NELL1: variants seen among roughly 807,000 people sequenced by gnomAD.
NELL1 encodes protein kinase C-binding protein NELL1.
Under a neutral mutation model 107.4 loss-of-function variants are expected in NELL1, and 76 were observed. The observed-to-expected ratio is 0.71, with a 90% confidence interval of 0.59 to 0.86. The LOEUF (loss-of-function observed/expected upper bound fraction) is 0.86. Among genes scored for constraint, NELL1 ranks in the 40% least tolerant of loss-of-function variants. The pLI is 0.00. For missense variants in NELL1, 1,024 were observed against 1,005.5 expected (o/e 1.02, Z -0.25); for synonymous variants, 353 against 341.2 (o/e 1.03, Z -0.38).
chr11:20,975,925 A>T (rs1434347132), intron 12 of NELL1, among the ~76,000 whole-genome samples: 1 of 139,848 alleles, frequency 7.2e-6, no homozygotes. Context: ...AAACACACAT[A>T]TATGTACATA....
chr11:21,069,068 C>G (rs1466348971), intron 12 of NELL1, among the ~76,000 whole-genome samples: 1 of 152,122 alleles, frequency 6.6e-6, no homozygotes, highest in East Asian at 1.9e-4. Flanking sequence ...GGAAACACTC[C>G]ATTTGGCTCT....
chr11:20,798,905 T>C (rs79905253), intron 3 of NELL1, among the ~76,000 whole-genome samples: 5,158 of 152,320 alleles, frequency 0.034, 291 homozygotes, highest in African/African-American at 0.12. Flanking sequence ...GTGGATTCTT[T>C]AGCAGCGAAG....
chr11:21,271,022 G>A (rs1848728545), intron 14 of NELL1, among the ~76,000 whole-genome samples: 1 of 152,008 alleles, frequency 6.6e-6, no homozygotes, highest in Non-Finnish European at 1.5e-5. Flanking sequence ...GCTGTGCTTA[G>A]CATTGAATGC....
chr11:21,262,837 C>T (rs1848560209), intron 14 of NELL1, among the ~76,000 whole-genome samples: 1 of 151,804 alleles, frequency 6.6e-6, no homozygotes, highest in South Asian at 2.1e-4. Context: ...GTGACTTCTC[C>T]TGTACTCTTA....
intron 12 of NELL1, among the ~76,000 whole-genome samples, chr11:20,975,857 T>TGTGTATTATATATACACATAC (rs1851607833): frequency 2.4e-5 from 3 of 126,092 alleles, no homozygotes; most frequent in South Asian, 2.5e-4. Context: ...TATATACATA[T>TGTGTATTATATATACACATAC]ATGTGTATTA....
chr11:21,405,403 C>A (rs1210583955), intron 15 of NELL1, among the ~76,000 whole-genome samples: 1 of 133,638 alleles, frequency 7.5e-6, no homozygotes, highest in Non-Finnish European at 1.6e-5. Flanking sequence ...CCAATTTTTT[C>A]TGTTGTGTTT....
intron 15 of NELL1, among the ~76,000 whole-genome samples, chr11:21,473,233 C>T (rs1854227585): frequency 6.6e-6 from 1 of 152,108 alleles, no homozygotes; most frequent in Non-Finnish European, 1.5e-5. Flanking sequence ...AATGCAGAGG[C>T]AAATAAAGAT....
intron 12 of NELL1, among the ~76,000 whole-genome samples, chr11:21,051,059 A>C (rs10833445): frequency 0.4 from 61,089 of 152,002 alleles, 14,940 homozygotes; most frequent in African/African-American, 0.68. Flanking sequence ...GAAAGAAAGT[A>C]CTTATACAAA....
chr11:20,823,921 A>G (rs1857816079), intron 3 of NELL1, among the ~76,000 whole-genome samples: 2 of 151,306 alleles, frequency 1.3e-5, no homozygotes, highest in Non-Finnish European at 3.0e-5. Context: ...TCAAACAACA[A>G]TGATTTAAAC....
rs1486107082 is a variant in NELL1, at chr11:21,573,334, C to T, written c.2307C>T (p.Asp769=). Residue 769 remains aspartate (D), a synonymous_variant, in exon 19 of 20, where the codon GAC becomes GAT. Transcript: ENST00000357134. ...ATGACATCAGAAAAACTTGCCTGGA[C>T]AGCTATGGTGTTTCACGGCTTAGTG... is the stretch of plus-strand genomic sequence containing the variant. ...ITYDIRKTCL[D]SYGVSRLSGS... is the part of the protein sequence containing the mutation. 2 of 1,612,490 alleles carry T rather than the reference C, an allele frequency of 1.2e-6. 1 individual carries two copies. Among genetic ancestry groups the T allele is most frequent in the Middle Eastern group, 3.3e-4 (2 of 6,040 alleles).
chr11:21,354,146 A>G lies in NELL1; in HGVS notation c.1550-16707A>G, dbSNP rs552051140. On this transcript the variant is annotated intron_variant, in intron 14 of 19. Transcript: ENST00000357134. ...TGAGCCCAATGTCACATAGCTAGAA[A>G]ATGGCATATGTGAGATTTGTGCGAG... 1.4e-3 allele frequency among the ~76,000 whole-genome samples: 206 copies of G among 152,282 alleles called. 2 individuals carry two copies. The highest frequency in any genetic ancestry group is 4.5e-3 in the African/African-American group (185 of 41,550).
chr11:20,871,110 G>T lies in NELL1; in HGVS notation c.507-14334G>T, dbSNP rs146208940. 4.3e-3 allele frequency among the ~76,000 whole-genome samples: 660 copies of T among 152,324 alleles called. 1 individual carries two copies. Among genetic ancestry groups the T allele is most frequent in the African/African-American group, 0.015 (630 of 41,564 alleles). ...CTTTTTGTTTTTGTTCTTAATAGAA[G>T]TAGCTACCATTATTCAGCTAATACT... On this transcript the variant is annotated intron_variant, in intron 4 of 19. Transcript: ENST00000357134.
At chr11:20,902,786 G>A (rs1356676826) in intron 5 of NELL1, among the ~76,000 whole-genome samples, 2 of 151,852 alleles carry the variant, frequency 1.3e-5, no homozygotes, top group Non-Finnish European at 2.9e-5. Context: ...AAAAATCAGT[G>A]AAATTGAACA....
intron 5 of NELL1, among the ~76,000 whole-genome samples, chr11:20,901,961 A>G (rs1223585849): frequency 6.6e-6 from 1 of 152,152 alleles, no homozygotes; most frequent in Non-Finnish European, 1.5e-5. Flanking sequence ...TGTGTACAGT[A>G]TAAGGAAAAG....
At chr11:20,679,580 A>G (rs913820930) in intron 2 of NELL1, among the ~76,000 whole-genome samples, 3 of 152,180 alleles carry the variant, frequency 2.0e-5, no homozygotes, top group African/African-American at 7.2e-5. Context: ...TAAGCTGGGC[A>G]TGGTTAAAAG....
intron 12 of NELL1, among the ~76,000 whole-genome samples, chr11:20,963,999 A>G (rs1293499842): frequency 6.6e-6 from 1 of 152,156 alleles, no homozygotes; most frequent in Non-Finnish European, 1.5e-5. Flanking sequence ...TAGAGAAGAT[A>G]GCTGAACTCC....
intron 3 of NELL1, among the ~76,000 whole-genome samples, chr11:20,807,531 A>C (rs1857410434): frequency 6.6e-6 from 1 of 152,202 alleles, no homozygotes; most frequent in African/African-American, 2.4e-5. Flanking sequence ...CCCAAGGCCT[A>C]CTATAACCGC....
chr11:21,571,029 T>C (rs1857090316), intron 18 of NELL1, 89 bp downstream of exon 18: 1 of 1,231,210 alleles, frequency 8.1e-7, no homozygotes, highest in East Asian at 2.4e-5. Flanking sequence ...TCCCAGTTTT[T>C]CATAATACTA....
chr11:21,169,710 C>T (rs1565094002), intron 13 of NELL1: 3 of 690,740 alleles, frequency 4.3e-6, no homozygotes. Flanking sequence ...ATTCCTTGGT[C>T]ATCTTTTGGC....
Sources: gnomAD v4.1 joint callset for allele counts (sites outside exome capture counted in the v4.1 genomes callset) on GRCh38, gnomAD v4.1.1 for gene constraint, MANE v1.5 for transcripts, NCBI Gene and HGNC (gene_info 2026-07-23, HGNC 2026-07-21) for gene names.